Variants in P2RX7 observed in about 807,000 individuals in gnomAD.
P2RX7 encodes P2X purinoceptor 7.
A neutral mutation model predicts 71.6 loss-of-function variants in P2RX7; 62 were observed. The ratio of observed to expected loss-of-function variants is 0.87; its 90% CI spans 0.71 to 1.07. P2RX7 has a LOEUF of 1.07. Ranked by LOEUF, P2RX7 falls within the 50% of genes least tolerant of loss-of-function variation. The probability of loss-of-function intolerance (pLI) is 0.00; values close to 1 mark genes in which losing one functional copy is unlikely to be tolerated. For synonymous variants in P2RX7, 299 were observed against 283.3 expected, an observed-to-expected ratio of 1.06 and a Z score of -0.56; for missense variants, 686 against 748.5, an observed-to-expected ratio of 0.92 and a Z score of 0.97.
In P2RX7 at chr12:121,133,073, G is replaced by A. The variant is rs149588295; in HGVS notation, c.103G>A (p.Val35Met). 9.7e-5 allele frequency: 157 copies of A among 1,614,172 alleles called. No homozygotes were observed. In the Middle Eastern group the frequency reaches 1.2e-3, roughly 12 times the overall value. Reference sequence around the variant, plus strand: ...TGGCACCATTAAGTGGTTCTTCCACGTGATCATCTTTTCCTACGTTTGGTA... The same window carrying A: ...TGGCACCATTAAGTGGTTCTTCCACATGATCATCTTTTCCTACGTTTGGTA... ...NYGTIKWFFH[V>M]IIFSYVCFAL... The change falls in exon 1 of 13, where the codon GTG becomes ATG. Residue 35 changes from valine to methionine, a missense_variant. Transcript: ENST00000328963.
In P2RX7 at chr12:121,187,525, T is replaced by C. The variant is rs1351344596; in HGVS notation, c.*2723T>C. 1.3e-5 allele frequency: 2 copies of C among 152,198 alleles called. No homozygotes were observed. Among genetic ancestry groups the C allele is most frequent in the South Asian group, 2.1e-4 (1 of 4,832 alleles). The allele number at this position is 152,198 out of a possible 1,614,324, so 9.4% of individuals were successfully genotyped here. On this transcript the variant is annotated 3_prime_UTR_variant, in exon 13 of 13. Transcript: ENST00000328963. The stretch of plus-strand genomic sequence containing the variant: ...TGGGCCTTTGTACCTTTGTTTTTGG[T>C]GCCTTATTCCTAGTATGTTTCTATC...
chr12:121,136,771 C>T (rs112542334), intron 1 of P2RX7, among the ~76,000 whole-genome samples: 3,492 of 151,666 alleles, frequency 0.023, 128 homozygotes, highest in African/African-American at 0.08. Context: ...CTCAACCTCC[C>T]GAGTAGCTGG....
chr12:121,179,794 G>C (rs990588803), intron 11 of P2RX7, among the ~76,000 whole-genome samples: 2 of 152,118 alleles, frequency 1.3e-5, no homozygotes, highest in Non-Finnish European at 2.9e-5. Flanking sequence ...GCAGCAACTG[G>C]GGGGTCCAAT....
Position 121,175,473 on chromosome 12 carries a change from G to C in P2RX7, c.967G>C (p.Gly323Arg). 1.5e-6 allele frequency: 2 copies of C among 1,348,626 alleles called. No homozygotes were observed. Among genetic ancestry groups the C allele is most frequent in the Non-Finnish European group, 2.1e-6 (2 of 937,490 alleles). The allele number at this position is 1,348,626 out of a possible 1,614,324, so 83.5% of individuals were successfully genotyped here. A position where few individuals can be genotyped will look rare whatever the true frequency, so the allele number is the denominator to read the frequency against. Residue 323 changes from glycine to arginine, a missense_variant, in exon 9 of 13, where the codon GGC (glycine) becomes CGC (arginine). Gly to Arg is a moderately radical substitution (Grantham distance 125, BLOSUM62 -2). Transcript: ENST00000328963. ...FGIRFDILVFGTGGKFDIIQL... is the reference protein window; with the variant it reads ...FGIRFDILVFRTGGKFDIIQL... ...GATCCGTTTTGACATCCTGGTTTTT[G>C]GCACCGTAAGTCTCGTTTCCCAGCT...
Position 121,174,295 on chromosome 12 carries a change from G to A in P2RX7, c.882-1093G>A, listed in dbSNP as rs71454682. Among the ~76,000 whole-genome samples, 18 of 151,916 alleles carry A rather than the reference G, an allele frequency of 1.2e-4. 1 individual carries two copies. Among genetic ancestry groups the A allele is most frequent in the South Asian group, 4.2e-4 (2 of 4,804 alleles). ...ACTCCTGACCTCAAGTGATCCACCC[G>A]CCTCGGCCTCCCAAAGTGCTGGGAT... is the stretch of plus-strand genomic sequence containing the variant. On this transcript the variant is annotated intron_variant, in intron 8 of 12. Coordinates refer to ENST00000328963, the MANE Select transcript of P2RX7 (RefSeq NM_002562.6).
Position 121,154,860 on chromosome 12 carries a change from G to C in P2RX7, c.201G>C (p.Gly67=). 1 of 1,614,228 alleles carries C rather than the reference G, an allele frequency of 6.2e-7. No homozygotes were observed. Among genetic ancestry groups the C allele is most frequent in the Non-Finnish European group, 8.5e-7 (1 of 1,180,032 alleles). The change falls in exon 2 of 13, where the codon GGG becomes GGC. Residue 67 remains glycine (G), a synonymous_variant. Coordinates refer to ENST00000328963, the MANE Select transcript of P2RX7 (RefSeq NM_002562.6). The surrounding 1 kb of genome is among the most constrained non-coding windows in gnomAD (Gnocchi z 4.2). ...VISSVHTKVK[G]IAEVKEEIVE... The stretch of plus-strand genomic sequence containing the variant: ...GTTCTGTGCACACCAAGGTGAAGGG[G>C]ATAGCAGAGGTGAAAGAGGAGATCG...
At chr12:121,156,364 C>G (rs1021546996) in intron 3 of P2RX7, among the ~76,000 whole-genome samples, 1 of 152,206 alleles carries the variant, frequency 6.6e-6, no homozygotes, top group African/African-American at 2.4e-5. Flanking sequence ...GTCTGCCTGC[C>G]TCGGTCTCTG....
rs1884809463 is a variant in P2RX7, at chr12:121,185,596, T to G, written c.*794T>G. 6.6e-6 allele frequency: 1 copy of G among 152,646 alleles called. No homozygotes were observed. Among genetic ancestry groups the G allele is most frequent in the Non-Finnish European group, 1.5e-5 (1 of 68,050 alleles). 9.5% of individuals were successfully genotyped at this position (152,646 alleles called of 1,614,324 possible). A position where few individuals can be genotyped will look rare whatever the true frequency, so the allele number is the denominator to read the frequency against. Reference sequence around the variant, plus strand: ...TTTGACACTCAAGTCCCCCAAGACCTAAGGGTTTTATCTCCTCCCCTTGAA... The same window carrying G: ...TTTGACACTCAAGTCCCCCAAGACCGAAGGGTTTTATCTCCTCCCCTTGAA... On this transcript the variant is annotated 3_prime_UTR_variant, in exon 13 of 13. Coordinates refer to ENST00000328963, the MANE Select transcript of P2RX7 (RefSeq NM_002562.6).
Position 121,140,202 on chromosome 12 carries a change from G to A in P2RX7, c.125+7107G>A, listed in dbSNP as rs964808788. 2.6e-5 allele frequency among the ~76,000 whole-genome samples: 4 copies of A among 151,184 alleles called. No individual in the cohort carries two copies. The East Asian group carries it at 7.7e-4, about 29-fold the overall frequency. On this transcript the variant is annotated intron_variant, in intron 1 of 12. Coordinates refer to ENST00000328963, the MANE Select transcript of P2RX7 (RefSeq NM_002562.6). The stretch of plus-strand genomic sequence containing the variant: ...CCAGCCATGTGACACACAGTACGAA[G>A]AGAACAGTAAATGCAAAGACCTGGA...
Position 121,154,797 on chromosome 12 carries a change from G to A in P2RX7, c.138G>A (p.Val46=). Residue 46 remains valine (V), a synonymous_variant, in exon 2 of 13, where the codon GTG becomes GTA. Transcript: ENST00000328963. This position sits in a 1 kb window ranked among gnomAD's most constrained non-coding sequence, Gnocchi z 4.2. The part of the protein sequence containing the change: ...IIFSYVCFAL[V]SDKLYQRKEP... ...GTCTGCCATTTAGCTTTGCTCTGGT[G>A]AGTGACAAGCTGTACCAGCGGAAAG... 5 of 1,612,170 alleles carry A rather than the reference G, an allele frequency of 3.1e-6. No homozygotes were observed. Among genetic ancestry groups the A allele is most frequent in the East Asian group, 2.2e-5 (1 of 44,882 alleles).
At chr12:121,163,937 G>C (rs925580513) in intron 5 of P2RX7, among the ~76,000 whole-genome samples, 2 of 152,092 alleles carry the variant, frequency 1.3e-5, no homozygotes, top group African/African-American at 2.4e-5. Flanking sequence ...ATGCCGGGAT[G>C]GGGGGTGCGC....
chr12:121,178,682 C>T (rs1883573100), intron 11 of P2RX7, among the ~76,000 whole-genome samples: 1 of 149,798 alleles, frequency 6.7e-6, no homozygotes, highest in African/African-American at 2.5e-5. Flanking sequence ...GTCCCAGCTA[C>T]TTGGGAGGCT....
intron 4 of P2RX7, chr12:121,162,183 A>G: frequency 8.0e-7 from 1 of 1,257,210 alleles, no homozygotes; most frequent in Non-Finnish European, 1.0e-6. Context: ...GAAACAAAAG[A>G]GCCAGCAGAA....
At position 121,147,815 on chromosome 12, in the gene P2RX7, G is replaced by A. The variant is rs150119521; in HGVS notation, c.126-6970G>A. Among the ~76,000 whole-genome samples, 1,110 of 152,126 alleles carry A rather than the reference G, an allele frequency of 7.3e-3. 18 individuals carry two copies. The highest frequency in any genetic ancestry group is 9.1e-3 in the Non-Finnish European group (619 of 67,982). On this transcript the variant is annotated intron_variant, in intron 1 of 12. Transcript: ENST00000328963. Reference sequence around the variant, plus strand: ...TTAGTAGAGATGGGGTTTCCACCATGTTGGCCAGGCGGGTCTTGAACTCCT... The same window carrying A: ...TTAGTAGAGATGGGGTTTCCACCATATTGGCCAGGCGGGTCTTGAACTCCT...
Position 121,185,460 on chromosome 12 carries a change from A to G in P2RX7, c.*658A>G, listed in dbSNP as rs1884792287. The G allele has an allele frequency of 6.6e-6, 1 of 152,670 alleles. No homozygotes were observed. The highest frequency in any genetic ancestry group is 2.4e-5 in the African/African-American group (1 of 41,454). 9.5% of individuals were successfully genotyped at this position (152,670 alleles called of 1,614,324 possible). On this transcript the variant is annotated 3_prime_UTR_variant, in exon 13 of 13. Coordinates refer to ENST00000328963, the MANE Select transcript of P2RX7 (RefSeq NM_002562.6). ...TGTCTTTTAATGTGTAAAGATCTAC[A>G]TGAATGCAAAACATTTCATTATGAG...
In P2RX7 at chr12:121,160,977, A is replaced by G. The variant is rs746057828; in HGVS notation, c.436+3A>G. On this transcript the variant is annotated splice_donor_region_variant and intron_variant, in intron 4 of 12. Transcript: ENST00000328963. ...ATGGATGGACCCGCAGAGCAAAGGT[A>G]CCTTCTGTTTCTTTTCCCGAGACCC... The G allele has an allele frequency of 1.2e-6, 2 of 1,611,778 alleles. No individual in the cohort carries two copies. Among genetic ancestry groups the G allele is most frequent in the Admixed American group, 3.3e-5 (2 of 60,018 alleles).
chr12:121,145,510 CT>C (rs200165825), intron 1 of P2RX7, among the ~76,000 whole-genome samples: 13,631 of 141,778 alleles, frequency 0.096, 976 homozygotes, highest in East Asian at 0.26. Flanking sequence ...TTCTTTCTTT[CT>C]TTTTTTTTTT....
chr12:121,170,860 G>C (rs73220266), intron 8 of P2RX7, among the ~76,000 whole-genome samples: 10,308 of 152,162 alleles, frequency 0.068, 539 homozygotes, highest in Non-Finnish European at 0.097. Flanking sequence ...CAAAAGAGAA[G>C]GAAATTACAG....
intron 8 of P2RX7, 75 bp from the exon 9 acceptor site, chr12:121,175,310 CAAA>C (rs370710698): frequency 0.011 from 4,891 of 461,018 alleles, no homozygotes; most frequent in South Asian, 0.014. Flanking sequence ...GACCCTGTCT[CAAA>C]AAAAAAAAAA....
Sources: gnomAD v4.1 joint callset for allele counts (sites outside exome capture counted in the v4.1 genomes callset) on GRCh38, gnomAD v4.1.1 for gene constraint, Gnocchi (gnomAD v3.1) non-coding constraint, MANE v1.5 for transcripts, NCBI Gene and HGNC (gene_info 2026-07-23, HGNC 2026-07-21) for gene names.